TRMT61A: variants seen among roughly 807,000 people sequenced by gnomAD.
TRMT61A encodes tRNA methyltransferase 61A.
In TRMT61A, 15 loss-of-function variants were observed where a neutral mutation model predicts 21.3. That is an observed-to-expected ratio of 0.70 (90% CI 0.47 to 1.08). The LOEUF (loss-of-function observed/expected upper bound fraction) is 1.08, where lower values mean the gene tolerates loss of function less well. Among genes scored for constraint, TRMT61A ranks in the 50% least tolerant of loss-of-function variants. The probability of loss-of-function intolerance (pLI) is 0.00; values close to 1 mark genes in which losing one functional copy is unlikely to be tolerated. For synonymous variants in TRMT61A, 183 were observed against 185.5 expected (o/e 0.99, Z 0.11); for missense variants, 352 against 426.7 (o/e 0.83, Z 1.54).
Position 103,534,641 on chromosome 14 carries a change from C to G in TRMT61A, c.690C>G (p.Thr230=), listed in dbSNP as rs375212525. ...CGCGCGGCTTCTCAGAGCTGAGCACCCTGGAGGTGCTGCCACAGGTCTACA... is the reference window on the plus strand; with the variant it reads ...CGCGCGGCTTCTCAGAGCTGAGCACGCTGGAGGTGCTGCCACAGGTCTACA... The part of the protein sequence containing the change: ...LAARGFSELS[T]LEVLPQVYNV... The change falls in exon 4 of 4, where the codon ACC becomes ACG. Residue 230 remains threonine (T), a synonymous_variant. Transcript: ENST00000389749. The G allele has an allele frequency of 6.2e-7, 1 of 1,611,114 alleles. No individual in the cohort carries two copies. The highest frequency in any genetic ancestry group is 1.3e-5 in the African/African-American group (1 of 74,928).
chr14:103,534,537 C>G lies in TRMT61A; in HGVS notation c.599-13C>G. 6.5e-7 allele frequency: 1 copy of G among 1,545,974 alleles called. No homozygotes were observed. The highest frequency in any genetic ancestry group is 8.8e-7 in the Non-Finnish European group (1 of 1,141,138). On this transcript the variant is annotated splice_polypyrimidine_tract_variant and intron_variant, in intron 3 of 3. Coordinates refer to ENST00000389749, the MANE Select transcript of TRMT61A (RefSeq NM_152307.3). ...ACCCCTGCCCTCTGACCCTCGGGTC[C>G]TGTTTCCCACAGGCGGGCGCTTCTG...
chr14:103,533,243 G>A (rs1008942989), intron 3 of TRMT61A, among the ~76,000 whole-genome samples: 6 of 152,242 alleles, frequency 3.9e-5, no homozygotes, highest in African/African-American at 1.4e-4. Flanking sequence ...GCGGAGGCGG[G>A]GCAGCCCTGG....
In TRMT61A at chr14:103,532,631, C is replaced by A. The variant is rs1043196830; in HGVS notation, c.381C>A (p.Pro127=). 6.2e-7 allele frequency: 1 copy of A among 1,613,484 alleles called. No individual in the cohort carries two copies. The highest frequency in any genetic ancestry group is 1.3e-5 in the African/African-American group (1 of 75,074). The stretch of plus-strand genomic sequence containing the variant: ...ACGCCATCATCCGCACCATTGCACC[C>A]ACGGGTCACCTGCACACGGTGGAGT... ...VSHAIIRTIA[P]TGHLHTVEFH... is the part of the protein sequence containing the mutation. Residue 127 remains proline (P), a synonymous_variant, in exon 3 of 4, where the codon CCC becomes CCA. Transcript: ENST00000389749.
rs1388982778 is a variant in TRMT61A at position 103,530,255 on chromosome 14, G to C, written c.277G>C (p.Ala93Pro). Reference sequence around the variant, plus strand: ...GCAGATCCTCTACTCCACAGACATCGCCCTCATCACCATGATGTTGGAGCT... The same window carrying C: ...GCAGATCCTCTACTCCACAGACATCCCCCTCATCACCATGATGTTGGAGCT... ...RTQILYSTDI[A>P]LITMMLELRP... Residue 93 changes from alanine (A) to proline (P), a missense_variant, in exon 2 of 4, where the codon GCC (alanine) becomes CCC (proline). Coordinates refer to ENST00000389749, the MANE Select transcript of TRMT61A (RefSeq NM_152307.3). The C allele has an allele frequency of 2.5e-6, 4 of 1,603,934 alleles. No homozygotes were observed. In the East Asian group the frequency reaches 9.0e-5, roughly 36 times the overall value.
At position 103,534,817 on chromosome 14, in the gene TRMT61A, G is replaced by A; in HGVS notation, c.866G>A (p.Gly289Asp). Residue 289 changes from glycine to aspartate, a missense_variant, in exon 4 of 4, where the codon GGC (glycine) becomes GAC (aspartate). By Grantham distance (94) the Gly-to-Asp change is moderately conservative (BLOSUM62 -1). Transcript: ENST00000389749. ...CTGACCTTCGCCACCAAGACCCCAG[G>A]CTAGGGGGCCGCCTCCCAGGGCACC... ...GYLTFATKTP[G>D] 3.9e-6 allele frequency: 6 copies of A among 1,548,688 alleles called. No homozygotes were observed. Among genetic ancestry groups the A allele is most frequent in the African/African-American group, 1.4e-5 (1 of 73,804 alleles).
Position 103,534,676 on chromosome 14 carries a change from C to T in TRMT61A, c.725C>T (p.Thr242Ile). 1 of 1,610,324 alleles carries T rather than the reference C, an allele frequency of 6.2e-7. No individual in the cohort carries two copies. Residue 242 changes from threonine (T) to isoleucine (I), a missense_variant, in exon 4 of 4, where the codon ACT (threonine) becomes ATT (isoleucine). By Grantham distance (89) the Thr-to-Ile change is moderately conservative. Coordinates refer to ENST00000389749, the MANE Select transcript of TRMT61A (RefSeq NM_152307.3). ...EVLPQVYNVRTVSLPPPDLGT... is the reference protein window; with the variant it reads ...EVLPQVYNVRIVSLPPPDLGT... ...CTGCCACAGGTCTACAACGTGCGCA[C>T]TGTCAGCCTGCCACCGCCCGACCTG...
chr14:103,529,574 C>T (rs1274553516), intron 1 of TRMT61A, among the ~76,000 whole-genome samples: 1 of 152,246 alleles, frequency 6.6e-6, no homozygotes, highest in Non-Finnish European at 1.5e-5. Context: ...CGCCGGTGGA[C>T]ACCTCGCAAA....
At chr14:103,534,320 C>T (rs1474217420) in intron 3 of TRMT61A, among the ~76,000 whole-genome samples, 1 of 152,238 alleles carries the variant, frequency 6.6e-6, no homozygotes, top group Non-Finnish European at 1.5e-5. Context: ...GAGGGCCTGG[C>T]ATGGCTAAGC....
Position 103,532,590 on chromosome 14 carries a change from A to C in TRMT61A, c.340A>C (p.Ser114Arg). 1 of 1,613,282 alleles carries C rather than the reference A, an allele frequency of 6.2e-7. No individual in the cohort carries two copies. Among genetic ancestry groups the C allele is most frequent in the East Asian group, 2.2e-5 (1 of 44,876 alleles). ...CCTTCTTGTCCTGCCAGGCACCGGC[A>C]GTGGCTCTGTGTCCCACGCCATCAT... ...GSVVCESGTG[S>R]GSVSHAIIRT... The change falls in exon 3 of 4, where the codon AGT becomes CGT. Residue 114 changes from serine to arginine, a missense_variant. By Grantham distance (110) the Ser-to-Arg change is moderately radical. Coordinates refer to ENST00000389749, the MANE Select transcript of TRMT61A (RefSeq NM_152307.3).
chr14:103,529,752 A>C (rs1242110079), intron 1 of TRMT61A, among the ~76,000 whole-genome samples, 198 bp from the exon 2 acceptor site: 1 of 152,218 alleles, frequency 6.6e-6, no homozygotes, highest in East Asian at 1.9e-4. Context: ...CTTGTCCTAG[A>C]CCAAGAAAGG....
rs370512891 is a variant in TRMT61A, at chr14:103,530,287, C to A, written c.309C>A (p.Pro103=). 1.3e-6 allele frequency: 2 copies of A among 1,589,716 alleles called. No homozygotes were observed. The highest frequency in any genetic ancestry group is 1.7e-5 in the Admixed American group (1 of 59,550). Residue 103 remains proline, a synonymous_variant, in exon 2 of 4, where the codon CCC becomes CCA. Transcript: ENST00000389749. ...TCACCATGATGTTGGAGCTTCGGCC[C>A]GGCTCTGTGGTCTGTGAGTCTGGTG... ...ALITMMLELR[P]GSVVCESGTG...
At position 103,535,285 on chromosome 14, in the gene TRMT61A, G is replaced by A. The variant is rs1566966860; in HGVS notation, c.*464G>A. 4 of 453,354 alleles carry A rather than the reference G, an allele frequency of 8.8e-6. No individual in the cohort carries two copies. Among genetic ancestry groups the A allele is most frequent in the East Asian group, 6.9e-5 (1 of 14,448 alleles). 28.1% of individuals were successfully genotyped at this position (453,354 alleles called of 1,614,324 possible). A position where few individuals can be genotyped will look rare whatever the true frequency, so the allele number is the denominator to read the frequency against. ...CTCGTGCTTCTCCAGTCCCCGGGCC[G>A]AGGCTCCAGCCTTGGCCAGAAGCTG... On this transcript the variant is annotated 3_prime_UTR_variant, in exon 4 of 4. Transcript: ENST00000389749.
rs2142239066 is a variant in TRMT61A at position 103,531,356 on chromosome 14, A to G, written c.331+1047A>G. On this transcript the variant is annotated intron_variant, in intron 2 of 3. Coordinates refer to ENST00000389749, the MANE Select transcript of TRMT61A (RefSeq NM_152307.3). This position sits in a 1 kb window ranked among gnomAD's most constrained non-coding sequence, Gnocchi z 5.1. ...GGGAAGACCTCTCTGAGGAGGGGAC[A>G]TTTGAGTTGAAAATGATGAGGAGGG... Among the ~76,000 whole-genome samples the G allele has an allele frequency of 6.6e-6, 1 of 152,264 alleles. No individual in the cohort carries two copies. The highest frequency in any genetic ancestry group is 1.9e-4 in the East Asian group (1 of 5,164).
intron 3 of TRMT61A, among the ~76,000 whole-genome samples, chr14:103,533,402 G>A (rs759646256): frequency 6.6e-6 from 1 of 152,200 alleles, no homozygotes; most frequent in Non-Finnish European, 1.5e-5. Flanking sequence ...GAGGTGCTGG[G>A]CGCCCCACCC....
chr14:103,531,121 C>T lies in TRMT61A; in HGVS notation c.331+812C>T, dbSNP rs1298484621. ...CCCCTGCCCCACTCTCGCGAGAGAG[C>T]TCAATCAAGCAGCACCTTCTCCTGG... On this transcript the variant is annotated intron_variant, in intron 2 of 3. Coordinates refer to ENST00000389749, the MANE Select transcript of TRMT61A (RefSeq NM_152307.3). The surrounding 1 kb of genome is among the most constrained non-coding windows in gnomAD (Gnocchi z 5.1). Among the ~76,000 whole-genome samples the T allele has an allele frequency of 2.0e-5, 3 of 152,132 alleles. No homozygotes were observed. The highest frequency in any genetic ancestry group is 2.1e-4 in the South Asian group (1 of 4,830).
intron 1 of TRMT61A, among the ~76,000 whole-genome samples, chr14:103,529,650 CG>C (rs1351675385): frequency 6.6e-6 from 1 of 152,236 alleles, no homozygotes; most frequent in Non-Finnish European, 1.5e-5. Context: ...ATGGGAGGGT[CG>C]GGTCCTCACT....
Position 103,534,822 on chromosome 14 carries a change from G to A in TRMT61A, c.*1G>A, listed in dbSNP as rs970459686. The A allele has an allele frequency of 1.9e-6, 3 of 1,545,658 alleles. No individual in the cohort carries two copies. The African/African-American group carries it at 4.1e-5, about 21-fold the overall frequency. Reference sequence around the variant, plus strand: ...CTTCGCCACCAAGACCCCAGGCTAGGGGGCCGCCTCCCAGGGCACCAGGGA... The same window carrying A: ...CTTCGCCACCAAGACCCCAGGCTAGAGGGCCGCCTCCCAGGGCACCAGGGA... On this transcript the variant is annotated 3_prime_UTR_variant, in exon 4 of 4. Transcript: ENST00000389749.
Position 103,534,593 on chromosome 14 carries a change from A to G in TRMT61A, c.642A>G (p.Gln214=), listed in dbSNP as rs1293009730. 1 of 1,597,484 alleles carries G rather than the reference A, an allele frequency of 6.3e-7. No individual in the cohort carries two copies. Among genetic ancestry groups the G allele is most frequent in the South Asian group, 1.1e-5 (1 of 90,074 alleles). ...CSFSPCIEQV[Q]RTCQALAARG... ...TCTCACCGTGCATCGAGCAGGTGCA[A>G]CGCACATGCCAGGCGCTGGCAGCGC... The change falls in exon 4 of 4, where the codon CAA becomes CAG. Residue 214 remains glutamine, a synonymous_variant. Transcript: ENST00000389749.
In TRMT61A at chr14:103,529,911, C is replaced by T. The variant is rs539622940; in HGVS notation, c.-29-39C>T. 23 of 1,458,992 alleles carry T rather than the reference C, an allele frequency of 1.6e-5. No individual in the cohort carries two copies. In the African/African-American group the frequency reaches 2.8e-4, roughly 18 times the overall value. The allele number at this position is 1,458,992 out of a possible 1,614,324, so 90.4% of individuals were successfully genotyped here. On this transcript the variant is annotated intron_variant, in intron 1 of 3. Transcript: ENST00000389749. ...ACCTAGACCCTAGGCCCTCATCCTG[C>T]CTCCTGACTTGCTCATGCCTACACA... is the stretch of plus-strand genomic sequence containing the variant.
Sources: gnomAD v4.1 joint callset for allele counts (sites outside exome capture counted in the v4.1 genomes callset) on GRCh38, gnomAD v4.1.1 for gene constraint, Gnocchi (gnomAD v3.1) non-coding constraint, MANE v1.5 for transcripts, NCBI Gene and HGNC (gene_info 2026-07-23, HGNC 2026-07-21) for gene names.